The following HDAC9 variants were observed in gnomAD, a reference collection of about 807,000 sequenced individuals.
HDAC9 encodes histone deacetylase 9.
Under a neutral mutation model 139.4 loss-of-function variants are expected in HDAC9, and 41 were observed. The observed-to-expected ratio is 0.29, with a 90% CI of 0.23 to 0.38. The LOEUF (loss-of-function observed/expected upper bound fraction) is 0.38. Among genes scored for constraint, HDAC9 ranks in the 10% least tolerant of loss-of-function variants. HDAC9 has a pLI of 1.00. For synonymous variants in HDAC9, 517 were observed against 476.2 expected, an observed-to-expected ratio of 1.09 and a Z score of -1.12; for missense variants, 1,147 against 1,297.0, an observed-to-expected ratio of 0.88 and a Z score of 1.78.
chr7:18,448,748 T>G (rs1209163842), intron 1 of HDAC9, among the ~76,000 whole-genome samples: 1 of 152,158 alleles, frequency 6.6e-6, no homozygotes, highest in Non-Finnish European at 1.5e-5. Context: ...CAAATTGTGT[T>G]TTTTTGGAAA....
intron 1 of HDAC9, among the ~76,000 whole-genome samples, chr7:18,308,553 C>T (rs638521): frequency 0.19 from 28,694 of 151,816 alleles, 2,900 homozygotes; most frequent in East Asian, 0.26. Flanking sequence ...TTTTGGTGTA[C>T]TCAGTAGGTG....
chr7:18,482,238 A>T (rs13307161), intron 1 of HDAC9, among the ~76,000 whole-genome samples: 1 of 151,518 alleles, frequency 6.6e-6, no homozygotes, highest in African/African-American at 2.4e-5. Context: ...GTGCCCTGTC[A>T]CACTGTTAAA....
chr7:18,800,965 CT>C (rs1312129312), intron 17 of HDAC9, among the ~76,000 whole-genome samples: 1 of 152,014 alleles, frequency 6.6e-6, no homozygotes, highest in African/African-American at 2.4e-5. Flanking sequence ...TACAAAGGGG[CT>C]GTTTATTTTT....
intron 1 of HDAC9, among the ~76,000 whole-genome samples, chr7:18,125,116 G>T (rs914952559): frequency 1.3e-5 from 2 of 152,026 alleles, no homozygotes; most frequent in Non-Finnish European, 2.9e-5. Flanking sequence ...GAGGGAGAAA[G>T]GTGTGTTGGA....
At chr7:18,508,297 A>AG (rs1019641270) in intron 2 of HDAC9, among the ~76,000 whole-genome samples, 2 of 152,208 alleles carry the variant, frequency 1.3e-5, no homozygotes, top group East Asian at 1.9e-4. Flanking sequence ...TTCTAAAAAA[A>AG]GTAGATTTTC....
At chr7:18,117,109 T>C (rs1784044956) in intron 1 of HDAC9, among the ~76,000 whole-genome samples, 1 of 152,068 alleles carries the variant, frequency 6.6e-6, no homozygotes, top group Non-Finnish European at 1.5e-5. Flanking sequence ...GAATTGTTTT[T>C]CCCCAAGAGG....
intron 12 of HDAC9, among the ~76,000 whole-genome samples, chr7:18,712,591 G>A (rs983438093): frequency 1.3e-5 from 2 of 152,180 alleles, no homozygotes; most frequent in African/African-American, 2.4e-5. Context: ...CAAATATTAT[G>A]ATGATGACTC....
chr7:18,588,293 A>G (rs1253917726), intron 3 of HDAC9, among the ~76,000 whole-genome samples: 1 of 152,208 alleles, frequency 6.6e-6, no homozygotes, highest in African/African-American at 2.4e-5. Flanking sequence ...TAATTTCATT[A>G]GTATTGAAAG....
chr7:18,670,441 T>C (rs1795602280), intron 12 of HDAC9, among the ~76,000 whole-genome samples: 1 of 152,090 alleles, frequency 6.6e-6, no homozygotes, highest in Admixed American at 6.6e-5. Flanking sequence ...AAACTGTGTT[T>C]AGGCAATGCA....
intron 22 of HDAC9, among the ~76,000 whole-genome samples, chr7:18,905,772 C>G (rs1365080247): frequency 6.6e-6 from 1 of 152,192 alleles, no homozygotes; most frequent in Non-Finnish European, 1.5e-5. Flanking sequence ...ACTACAACCT[C>G]TTAACATATT....
intron 21 of HDAC9, among the ~76,000 whole-genome samples, chr7:18,863,389 G>C (rs901198976): frequency 1.3e-5 from 2 of 152,200 alleles, no homozygotes; most frequent in Admixed American, 6.5e-5. Flanking sequence ...GGATGGCTTT[G>C]AACGTGGCCC....
At chr7:18,851,900 T>A (rs1027485597) in intron 21 of HDAC9, among the ~76,000 whole-genome samples, 1 of 152,220 alleles carries the variant, frequency 6.6e-6, no homozygotes, top group Non-Finnish European at 1.5e-5. Flanking sequence ...TTTCTTCATT[T>A]GTAAAACTAT....
At chr7:18,728,972 C>A (rs1785797858) in intron 13 of HDAC9, among the ~76,000 whole-genome samples, 1 of 152,126 alleles carries the variant, frequency 6.6e-6, no homozygotes, top group Non-Finnish European at 1.5e-5. Context: ...TCTTCTACTT[C>A]CAGGAGCATA....
chr7:18,914,663 A>T (rs761558742), intron 22 of HDAC9, among the ~76,000 whole-genome samples: 9 of 152,042 alleles, frequency 5.9e-5, no homozygotes, highest in Non-Finnish European at 1.0e-4. Context: ...GCTTTAGCAC[A>T]CCATTGATGG....
intron 11 of HDAC9, among the ~76,000 whole-genome samples, chr7:18,665,520 AAAT>A (rs1325533331): frequency 6.6e-6 from 1 of 152,176 alleles, no homozygotes; most frequent in Non-Finnish European, 1.5e-5. Flanking sequence ...TAAAATGTCT[AAAT>A]AATGATTTCC....
At chr7:18,151,779 A>T (rs993420688) in intron 1 of HDAC9, 3 of 152,184 alleles carry the variant, frequency 2.0e-5, no homozygotes, top group Non-Finnish European at 4.4e-5. Context: ...ATAAAACTTG[A>T]GATAATTTTG....
At chr7:18,867,684 G>T (rs1343838221) in intron 21 of HDAC9, among the ~76,000 whole-genome samples, 2 of 151,984 alleles carry the variant, frequency 1.3e-5, no homozygotes, top group South Asian at 2.1e-4. Context: ...ACACTGGTTG[G>T]ACTAATCAAA....
At chr7:18,701,890 C>T (rs913472470) in intron 12 of HDAC9, among the ~76,000 whole-genome samples, 1 of 152,192 alleles carries the variant, frequency 6.6e-6, no homozygotes, top group Non-Finnish European at 1.5e-5. Context: ...CTATTAATTA[C>T]TGTTTAATCT....
intron 2 of HDAC9, among the ~76,000 whole-genome samples, chr7:18,240,021 T>C (rs1440099331): frequency 6.6e-6 from 1 of 151,552 alleles, no homozygotes; most frequent in Admixed American, 6.6e-5. Flanking sequence ...TCGGTGTTTC[T>C]AAAGTTTATT....
Sources: gnomAD v4.1 joint callset for allele counts (sites outside exome capture counted in the v4.1 genomes callset) on GRCh38, gnomAD v4.1.1 for gene constraint, MANE v1.5 for transcripts, NCBI Gene and HGNC (gene_info 2026-07-23, HGNC 2026-07-21) for gene names.